The following BAIAP2 variants were observed in gnomAD, a reference collection of about 807,000 sequenced individuals.
BAIAP2 encodes BAR/IMD domain-containing adapter protein 2.
In BAIAP2, 18 loss-of-function variants were observed where a neutral mutation model predicts 63.0. That is an observed-to-expected ratio of 0.29 (90% CI 0.20 to 0.42). The LOEUF (loss-of-function observed/expected upper bound fraction) is 0.42, where lower values mean the gene tolerates loss of function less well. Among genes scored for constraint, BAIAP2 ranks in the 10% least tolerant of loss-of-function variants. The probability of loss-of-function intolerance (pLI) is 1.00; values close to 1 mark genes in which losing one functional copy is unlikely to be tolerated. For synonymous variants in BAIAP2, 386 were observed against 307.6 expected (o/e 1.25, Z -2.67); for missense variants, 610 against 734.3 (o/e 0.83, Z 1.96).
At position 81,035,175 on chromosome 17, in the gene BAIAP2, C is replaced by A. The variant is rs113778053; in HGVS notation, c.-80C>A. 8 of 1,225,472 alleles carry A rather than the reference C, an allele frequency of 6.5e-6. No individual in the cohort carries two copies. The highest frequency in any genetic ancestry group is 2.7e-5 in the Admixed American group (1 of 37,178). 75.9% of individuals were successfully genotyped at this position (1,225,472 alleles called of 1,614,324 possible). On this transcript the variant is annotated 5_prime_UTR_variant, in exon 1 of 14. Coordinates refer to ENST00000428708, the MANE Select transcript of BAIAP2 (RefSeq NM_001144888.2). Reference sequence around the variant, plus strand: ...TGTGGTTCGGGTCCGCTTTCGTCTCCGTCCTGCTGCCGTTACCGCCGCTGC... The same window carrying A: ...TGTGGTTCGGGTCCGCTTTCGTCTCAGTCCTGCTGCCGTTACCGCCGCTGC...
chr17:81,091,087 G>A (rs868350373), intron 6 of BAIAP2, among the ~76,000 whole-genome samples: 6 of 87,428 alleles, frequency 6.9e-5, no homozygotes, highest in East Asian at 3.9e-4. Context: ...TGTGTGCCCC[G>A]ACTTGTGTGG....
At chr17:81,055,217 G>A (rs568942747) in intron 2 of BAIAP2, among the ~76,000 whole-genome samples, 173 of 152,262 alleles carry the variant, frequency 1.1e-3, no homozygotes, top group Non-Finnish European at 1.9e-3. Flanking sequence ...CCTTTACTCC[G>A]TTGTCACCTG....
At chr17:81,084,376 C>T (rs1255052945) in intron 3 of BAIAP2, among the ~76,000 whole-genome samples, 2 of 152,150 alleles carry the variant, frequency 1.3e-5, no homozygotes, top group Non-Finnish European at 2.9e-5. Flanking sequence ...AGCGTGTGCC[C>T]ATGGGTGTCC....
At chr17:81,112,961 T>G (rs911218321) in intron 13 of BAIAP2, among the ~76,000 whole-genome samples, 1 of 151,854 alleles carries the variant, frequency 6.6e-6, no homozygotes, top group Non-Finnish European at 1.5e-5. Context: ...GAGGCTGAGG[T>G]GGGAGGATTG....
chr17:81,075,114 C>T (rs998328565), intron 3 of BAIAP2, among the ~76,000 whole-genome samples: 2 of 152,234 alleles, frequency 1.3e-5, no homozygotes, highest in African/African-American at 4.8e-5. Flanking sequence ...AGCCTCGGCT[C>T]AGCTCACCCA....
At chr17:81,060,659 C>T (rs886859737) in intron 3 of BAIAP2, among the ~76,000 whole-genome samples, 11 of 152,194 alleles carry the variant, frequency 7.2e-5, no homozygotes, top group Admixed American at 2.0e-4. Context: ...CTGGAATTGC[C>T]GGGTCAGATG....
rs538951036 is a variant in BAIAP2, at chr17:81,103,675, G to A, written c.816G>A (p.Pro272=). 7.5e-6 allele frequency: 12 copies of A among 1,598,518 alleles called. No individual in the cohort carries two copies. Among genetic ancestry groups the A allele is most frequent in the African/African-American group, 2.7e-5 (2 of 74,764 alleles). The change falls in exon 8 of 14, where the codon CCG becomes CCA. Residue 272 remains proline, a synonymous_variant. Transcript: ENST00000428708. ...KSNLVISDPI[P]GAKPLPVPPE... ...ACCTGGTCATTTCCGACCCCATTCC[G>A]GGGGCCAAGCCCCTGCCGGTGCCCC... is the stretch of plus-strand genomic sequence containing the variant.
At chr17:81,079,541 A>G (rs529834467) in intron 3 of BAIAP2, among the ~76,000 whole-genome samples, 2 of 151,562 alleles carry the variant, frequency 1.3e-5, no homozygotes, top group African/African-American at 4.8e-5. Flanking sequence ...CTCACTCCCC[A>G]GCATCCCTAG....
intron 12 of BAIAP2, chr17:81,107,432 G>A (rs1287881768): frequency 2.6e-5 from 4 of 154,536 alleles, no homozygotes; most frequent in African/African-American, 7.2e-5. Context: ...TGGAGGATCA[G>A]GGCCTGGGTC....
intron 3 of BAIAP2, among the ~76,000 whole-genome samples, chr17:81,071,374 C>T (rs1028736497): frequency 2.6e-5 from 4 of 152,144 alleles, no homozygotes; most frequent in Admixed American, 6.5e-5. Flanking sequence ...GCGCTCTGTT[C>T]GAGCCCTGCC....
intron 6 of BAIAP2, among the ~76,000 whole-genome samples, chr17:81,094,843 A>G (rs1296554850): frequency 6.6e-6 from 1 of 152,214 alleles, no homozygotes; most frequent in African/African-American, 2.4e-5. Flanking sequence ...AGTGTTACCC[A>G]TGGTGACAGC....
chr17:81,073,554 C>T (rs1025306661), intron 3 of BAIAP2, among the ~76,000 whole-genome samples: 4 of 152,290 alleles, frequency 2.6e-5, no homozygotes, highest in African/African-American at 2.4e-5. Context: ...TGGGGACCCT[C>T]GGGCAGGGTC....
At chr17:81,035,600 C>G (rs1489315363) in intron 1 of BAIAP2, among the ~76,000 whole-genome samples, 1 of 150,504 alleles carries the variant, frequency 6.6e-6, no homozygotes, top group Non-Finnish European at 1.5e-5. Context: ...CTCCGACGGC[C>G]CTGCTCGGCC....
chr17:81,084,799 C>T, intron 3 of BAIAP2, 33 bp from the exon 4 acceptor site: 1 of 1,608,648 alleles, frequency 6.2e-7, no homozygotes, highest in Non-Finnish European at 8.5e-7. Context: ...GCACCTGACT[C>T]CCTCCCCTTC....
At chr17:81,102,500 C>T (rs1316484270) in intron 7 of BAIAP2, among the ~76,000 whole-genome samples, 5 of 152,234 alleles carry the variant, frequency 3.3e-5, no homozygotes, top group African/African-American at 4.8e-5. Context: ...AATGTGAGGG[C>T]AGCCATGAAT....
chr17:81,081,693 C>T (rs974686361), intron 3 of BAIAP2, among the ~76,000 whole-genome samples: 11 of 152,288 alleles, frequency 7.2e-5, no homozygotes, highest in Admixed American at 5.2e-4. Context: ...CCTCTCCTGC[C>T]GAGGCTGGTA....
rs1215858679 is a variant in BAIAP2 at position 81,107,289 on chromosome 17, G to A, written c.1500+382G>A. On this transcript the variant is annotated intron_variant, in intron 12 of 13. Coordinates refer to ENST00000428708, the MANE Select transcript of BAIAP2 (RefSeq NM_001144888.2). ...GAGCCAGGGGGGCAGGATCTCTTCC[G>A]TGAGAACCACGGGGCTCCCTCAGTC... 3.4e-5 allele frequency: 7 copies of A among 205,592 alleles called. No homozygotes were observed. In the East Asian group the frequency reaches 4.7e-4, roughly 14 times the overall value. 12.7% of individuals were successfully genotyped at this position (205,592 alleles called of 1,614,324 possible).
chr17:81,086,112 A>T (rs114892885), intron 5 of BAIAP2, among the ~76,000 whole-genome samples: 1,783 of 142,260 alleles, frequency 0.013, 32 homozygotes, highest in African/African-American at 0.044. Context: ...GGGCTGAGGC[A>T]CTGCTTGAGG....
chr17:81,044,026 G>A (rs1165471075), intron 1 of BAIAP2, among the ~76,000 whole-genome samples: 1 of 152,226 alleles, frequency 6.6e-6, no homozygotes, highest in East Asian at 1.9e-4. Flanking sequence ...GTCCAGAGCA[G>A]GAAAGCCCCG....
Sources: gnomAD v4.1 joint callset for allele counts (sites outside exome capture counted in the v4.1 genomes callset) on GRCh38, gnomAD v4.1.1 for gene constraint, MANE v1.5 for transcripts, NCBI Gene and HGNC (gene_info 2026-07-23, HGNC 2026-07-21) for gene names.